The following CNTLN variants were observed in gnomAD, a reference collection of about 807,000 sequenced individuals.
CNTLN encodes centlein, centrosomal protein.
In CNTLN, 212 loss-of-function variants were observed where a neutral mutation model predicts 180.0. The observed-to-expected ratio is 1.18, with a 90% CI of 1.05 to 1.32. CNTLN has a LOEUF of 1.32. Ranked by LOEUF, CNTLN falls within the 40% of genes most tolerant of loss-of-function variation. The pLI, the probability that CNTLN is intolerant of heterozygous loss-of-function variation, is 0.00. For missense variants in CNTLN, 2,095 were observed against 1,610.9 expected (o/e 1.30, Z -5.14); for synonymous variants, 722 against 563.1 (o/e 1.28, Z -3.99).
chr9:17,261,871 C>G (rs532200066), intron 5 of CNTLN, among the ~76,000 whole-genome samples: 1 of 151,576 alleles, frequency 6.6e-6, no homozygotes, highest in East Asian at 1.9e-4. Flanking sequence ...GGAACTTAAA[C>G]AAATTTACAA....
At chr9:17,330,304 C>G (rs1587675748) in intron 8 of CNTLN, among the ~76,000 whole-genome samples, 1 of 151,932 alleles carries the variant, frequency 6.6e-6, no homozygotes, top group South Asian at 2.1e-4. Flanking sequence ...TGAGGCAATA[C>G]ATATGTGTAT....
intron 5 of CNTLN, among the ~76,000 whole-genome samples, chr9:17,249,573 TCTC>T (rs1826014634): frequency 6.6e-6 from 1 of 151,986 alleles, no homozygotes. Context: ...ATGGTCTTGA[TCTC>T]CTGATCTCAT....
At chr9:17,374,893 T>C (rs1824626519) in intron 13 of CNTLN, among the ~76,000 whole-genome samples, 1 of 151,608 alleles carries the variant, frequency 6.6e-6, no homozygotes, top group African/African-American at 2.4e-5. Flanking sequence ...AGAGCTGTGA[T>C]ATGATCTAGC....
At chr9:17,342,583 CT>C (rs1821571132) in intron 12 of CNTLN, 139 bp downstream of exon 12, 1 of 746,066 alleles carries the variant, frequency 1.3e-6, no homozygotes, top group Admixed American at 3.3e-5. Context: ...GAAAAAAAGA[CT>C]AGCTTTTAAA....
At chr9:17,437,394 C>T (rs1186953697) in intron 18 of CNTLN, among the ~76,000 whole-genome samples, 3 of 152,124 alleles carry the variant, frequency 2.0e-5, no homozygotes, top group Non-Finnish European at 4.4e-5. Flanking sequence ...ACCTGAATAG[C>T]ATCAGTTAGA....
At chr9:17,368,251 A>C (rs888608605) in intron 13 of CNTLN, among the ~76,000 whole-genome samples, 1 of 151,674 alleles carries the variant, frequency 6.6e-6, no homozygotes, top group Admixed American at 6.6e-5. Context: ...ACAGGCAGAG[A>C]CTCCTTTGCC....
At chr9:17,481,990 G>T (rs1832673771) in intron 23 of CNTLN, among the ~76,000 whole-genome samples, 1 of 152,224 alleles carries the variant, frequency 6.6e-6, no homozygotes, top group South Asian at 2.1e-4. Context: ...GGAAGAAGTG[G>T]CTGCTTCCTT....
chr9:17,495,724 A>G (rs954605849), intron 25 of CNTLN, among the ~76,000 whole-genome samples: 3 of 152,166 alleles, frequency 2.0e-5, no homozygotes, highest in African/African-American at 7.2e-5. Context: ...AAGTCTTCAC[A>G]TTTACTCACC....
chr9:17,216,816 AG>A (rs1823789428), intron 2 of CNTLN, among the ~76,000 whole-genome samples: 1 of 152,160 alleles, frequency 6.6e-6, no homozygotes, highest in Non-Finnish European at 1.5e-5. Flanking sequence ...TAGGCTGCAA[AG>A]GGGTTGCAGT....
intron 6 of CNTLN, among the ~76,000 whole-genome samples, chr9:17,294,244 G>A (rs921349989): frequency 1.3e-5 from 2 of 152,002 alleles, no homozygotes; most frequent in African/African-American, 2.4e-5. Flanking sequence ...GGGACCCAAG[G>A]GGGTTGCCAC....
downstream of CNTLN, among the ~76,000 whole-genome samples, chr9:17,505,176 C>A (rs765133242): frequency 1.2e-4 from 18 of 151,900 alleles, no homozygotes; most frequent in Admixed American, 5.9e-4. Flanking sequence ...ATAGGAACTT[C>A]TCAATTTGAT....
intron 5 of CNTLN, among the ~76,000 whole-genome samples, chr9:17,261,271 C>G (rs1055548655): frequency 2.0e-5 from 3 of 151,422 alleles, no homozygotes; most frequent in South Asian, 2.1e-4. Context: ...TGGAGTAGGG[C>G]CATCTTAATG....
At chr9:17,514,089 C>T in the CNTLN span, among the ~76,000 whole-genome samples, 1 of 151,648 alleles carries the variant, frequency 6.6e-6, no homozygotes, top group South Asian at 2.1e-4. Flanking sequence ...GGGAGGATCG[C>T]TTGAGCCCAG....
In CNTLN at chr9:17,135,247, A is replaced by T. The variant is rs766102520; in HGVS notation, c.182A>T (p.Glu61Val). The T allele has an allele frequency of 1.2e-6, 2 of 1,607,288 alleles. No homozygotes were observed. The highest frequency in any genetic ancestry group is 1.7e-6 in the Non-Finnish European group (2 of 1,177,236). ...DESDKIWVGE[E>V]GSGGRRGPGG... ...AGTGATAAAATCTGGGTGGGTGAAG[A>T]AGGGTCAGGGGGCCGGCGAGGGCCT... Residue 61 changes from glutamate to valine, a missense_variant, in exon 1 of 26, where the codon GAA (glutamate) becomes GTA (valine). Coordinates refer to ENST00000380647, the MANE Select transcript of CNTLN (RefSeq NM_017738.4).
chr9:17,336,984 C>T (rs1293591942), intron 10 of CNTLN, among the ~76,000 whole-genome samples: 1 of 152,134 alleles, frequency 6.6e-6, no homozygotes, highest in East Asian at 1.9e-4. Context: ...TTGTTGTTTC[C>T]TGGCTTTTTA....
intron 23 of CNTLN, among the ~76,000 whole-genome samples, chr9:17,473,518 T>C (rs1343839788): frequency 6.6e-6 from 1 of 151,642 alleles, no homozygotes; most frequent in Non-Finnish European, 1.5e-5. Flanking sequence ...CCCTGTAGTT[T>C]CAACCCTACA....
At chr9:17,527,341 C>A in the CNTLN span, among the ~76,000 whole-genome samples, 1 of 152,124 alleles carries the variant, frequency 6.6e-6, no homozygotes, top group Non-Finnish European at 1.5e-5. Flanking sequence ...TTTGTTAATT[C>A]TCCATATTTA....
intron 2 of CNTLN, among the ~76,000 whole-genome samples, chr9:17,186,370 G>T (rs1587057209): frequency 1.3e-5 from 2 of 152,232 alleles, no homozygotes; most frequent in East Asian, 3.9e-4. Context: ...AACAAAATAG[G>T]ATTCATGTTG....
intron 3 of CNTLN, among the ~76,000 whole-genome samples, chr9:17,227,267 A>G (rs910134929): frequency 2.0e-5 from 3 of 152,042 alleles, no homozygotes; most frequent in Admixed American, 2.0e-4. Context: ...TATATCAAGT[A>G]CAGTCCTATC....
Sources: allele counts gnomAD v4.1 joint callset (sites outside exome capture counted in the v4.1 genomes callset), GRCh38; gene constraint gnomAD v4.1.1; transcripts MANE v1.5; gene names NCBI Gene and HGNC (gene_info 2026-07-23, HGNC 2026-07-21).